The following SSH2 variants were observed in gnomAD, a reference collection of about 807,000 sequenced individuals.
SSH2 encodes the protein protein phosphatase Slingshot homolog 2.
SSH2 carries 37 observed loss-of-function variants against 135.2 expected under a neutral mutation model. The observed-to-expected ratio is 0.27, with a 90% CI of 0.21 to 0.36. The LOEUF (loss-of-function observed/expected upper bound fraction) is 0.36. Among genes scored for constraint, SSH2 ranks in the 10% least tolerant of loss-of-function variants. SSH2 has a pLI of 1.00. For missense variants in SSH2, 1,408 were observed against 1,765.3 expected, an observed-to-expected ratio of 0.80 and a Z score of 3.63; for synonymous variants, 628 against 646.2, an observed-to-expected ratio of 0.97 and a Z score of 0.43.
chr17:29,778,424 G>A (rs918055101), intron 3 of SSH2, among the ~76,000 whole-genome samples: 1 of 152,130 alleles, frequency 6.6e-6, no homozygotes, highest in Non-Finnish European at 1.5e-5. Context: ...AGGATCACCT[G>A]AGGTCAGGAG....
At chr17:29,662,280 G>A (rs771276327) in intron 11 of SSH2, among the ~76,000 whole-genome samples, 2 of 152,146 alleles carry the variant, frequency 1.3e-5, no homozygotes, top group Non-Finnish European at 2.9e-5. Flanking sequence ...GAGTCCAAAT[G>A]TCCAAGGAAA....
intron 2 of SSH2, among the ~76,000 whole-genome samples, chr17:29,842,854 G>C (rs753116916): frequency 6.6e-6 from 1 of 152,190 alleles, no homozygotes; most frequent in Non-Finnish European, 1.5e-5. Flanking sequence ...CAATGCAGCA[G>C]AGGTGATGCA....
At chr17:29,861,667 G>C (rs1243435555) in intron 1 of SSH2, among the ~76,000 whole-genome samples, 1 of 151,972 alleles carries the variant, frequency 6.6e-6, no homozygotes, top group African/African-American at 2.4e-5. Flanking sequence ...GGGTTCAAGA[G>C]ATTCTCCTGC....
At chr17:29,788,678 A>G (rs912527068) in intron 3 of SSH2, among the ~76,000 whole-genome samples, 3 of 142,364 alleles carry the variant, frequency 2.1e-5, no homozygotes, top group Non-Finnish European at 4.5e-5. Context: ...ATATCTATCT[A>G]TCTCTATGAG....
chr17:29,684,443 C>T (rs2038119517), intron 6 of SSH2, 120 bp downstream of exon 6: 7 of 974,492 alleles, frequency 7.2e-6, no homozygotes, highest in South Asian at 1.7e-5. Flanking sequence ...AGCCACTGCA[C>T]TCTAGTCTGG....
chr17:29,782,629 A>T (rs2041863826), intron 3 of SSH2, among the ~76,000 whole-genome samples: 1 of 150,444 alleles, frequency 6.6e-6, no homozygotes, highest in African/African-American at 2.4e-5. Context: ...TCTGTCGCCC[A>T]GGCTGGAGTG....
At chr17:29,670,813 C>T (rs2037463363) in intron 9 of SSH2, among the ~76,000 whole-genome samples, 1 of 151,976 alleles carries the variant, frequency 6.6e-6, no homozygotes, top group South Asian at 2.1e-4. Flanking sequence ...TAAAAAAAAC[C>T]CAAAAACCAT....
chr17:29,650,752 T>C lies in SSH2; in HGVS notation c.1128A>G (p.Pro376=). ...NVTREIDNFF[P]GVFEYHNIRV... is the part of the protein sequence containing the mutation. The stretch of plus-strand genomic sequence containing the variant: ...GAATGTTATGATACTCAAAGACTCC[T>C]GGGAAGAAGTTATCTATCTCTCGAG... The change falls in exon 13 of 16, where the codon CCA becomes CCG. Residue 376 remains proline, a synonymous_variant. Coordinates refer to ENST00000540801, the MANE Select transcript of SSH2 (RefSeq NM_001282129.2). 6.2e-7 allele frequency: 1 copy of C among 1,613,996 alleles called. No homozygotes were observed. The highest frequency in any genetic ancestry group is 1.1e-5 in the South Asian group (1 of 91,052).
intron 3 of SSH2, among the ~76,000 whole-genome samples, chr17:29,766,045 G>T (rs2041439959): frequency 6.9e-6 from 1 of 145,366 alleles, no homozygotes; most frequent in Non-Finnish European, 1.5e-5. Flanking sequence ...AAAGATACAG[G>T]GACAAAAGTA....
Position 29,900,921 on chromosome 17 carries a change from T to C in SSH2, c.63+29017A>G, listed in dbSNP as rs1245343022. 4.6e-5 allele frequency among the ~76,000 whole-genome samples: 7 copies of C among 152,182 alleles called. No homozygotes were observed. The East Asian group carries it at 1.2e-3, about 25-fold the overall frequency. On this transcript the variant is annotated intron_variant, in intron 1 of 15. Coordinates refer to ENST00000540801, the MANE Select transcript of SSH2 (RefSeq NM_001282129.2). ...GAGACTAGATTAAGAAAATGTGGCA[T>C]ATATACACCATGGAATACTATGCAG...
chr17:29,882,448 T>C (rs566484603), intron 1 of SSH2, among the ~76,000 whole-genome samples: 1 of 152,282 alleles, frequency 6.6e-6, no homozygotes, highest in East Asian at 1.9e-4. Context: ...TTACAATACA[T>C]GCTTTTAAAT....
At chr17:29,657,941 A>T (rs1040061746) in intron 11 of SSH2, among the ~76,000 whole-genome samples, 1 of 149,708 alleles carries the variant, frequency 6.7e-6, no homozygotes, top group Non-Finnish European at 1.5e-5. Context: ...CTTTCATAAT[A>T]TTGACATATC....
chr17:29,929,845 G>A (rs1015689500), intron 1 of SSH2, 93 bp downstream of exon 1: 5 of 1,236,926 alleles, frequency 4.0e-6, no homozygotes, highest in Admixed American at 2.0e-5. Flanking sequence ...GAAGCGGCGC[G>A]GCGCGTGCGC....
chr17:29,712,736 G>A (rs547743815), intron 3 of SSH2, among the ~76,000 whole-genome samples: 15 of 152,250 alleles, frequency 9.9e-5, no homozygotes, highest in African/African-American at 3.4e-4. Flanking sequence ...TCCGGGAGGT[G>A]GAATTTGCAC....
chr17:29,742,992 C>T (rs1042233722), intron 3 of SSH2, among the ~76,000 whole-genome samples: 10 of 151,812 alleles, frequency 6.6e-5, no homozygotes, highest in African/African-American at 2.2e-4. Context: ...AGTTCAGTAG[C>T]GTGATATCAG....
chr17:29,679,410 T>TA (rs1229000034), intron 6 of SSH2, among the ~76,000 whole-genome samples: 2 of 151,850 alleles, frequency 1.3e-5, no homozygotes, highest in African/African-American at 2.4e-5. Flanking sequence ...TATTTTTATT[T>TA]TTTTTTTTAT....
chr17:29,765,386 G>A (rs1479707359), intron 3 of SSH2, among the ~76,000 whole-genome samples: 4 of 152,158 alleles, frequency 2.6e-5, no homozygotes, highest in African/African-American at 4.8e-5. Context: ...GAAAGTTATC[G>A]TGAGGATTAA....
At chr17:29,761,035 G>A (rs1054875185) in intron 3 of SSH2, 1 of 1,118,648 alleles carries the variant, frequency 8.9e-7, no homozygotes, top group Non-Finnish European at 1.2e-6. Context: ...AGGCAAGCAG[G>A]ATGCGCGCTC....
At chr17:29,824,129 A>G (rs2042703225) in intron 2 of SSH2, among the ~76,000 whole-genome samples, 1 of 152,176 alleles carries the variant, frequency 6.6e-6, no homozygotes, top group African/African-American at 2.4e-5. Context: ...AACCCACAAC[A>G]TCTCTACTTA....
Sources: allele counts gnomAD v4.1 joint callset (sites outside exome capture counted in the v4.1 genomes callset), GRCh38; gene constraint gnomAD v4.1.1; transcripts MANE v1.5; gene names NCBI Gene and HGNC (gene_info 2026-07-23, HGNC 2026-07-21).